Variants in TOM1L2 observed in about 807,000 individuals in gnomAD.
The protein encoded by TOM1L2 is target of myb1 like 2 membrane trafficking protein, also known as TOM1-like protein 2.
A neutral mutation model predicts 67.9 loss-of-function variants in TOM1L2; 31 were observed. That is an observed-to-expected ratio of 0.46 (90% CI 0.34 to 0.62). TOM1L2 has a LOEUF of 0.62. Among genes scored for constraint, TOM1L2 ranks in the 20% least tolerant of loss-of-function variants. The pLI is 0.01. For synonymous variants in TOM1L2, 256 were observed against 254.0 expected (o/e 1.01, Z -0.07); for missense variants, 606 against 663.5 (o/e 0.91, Z 0.95).
intron 12 of TOM1L2, chr17:17,859,631 G>C (rs1369212307): frequency 6.6e-6 from 1 of 152,224 alleles, no homozygotes; most frequent in Non-Finnish European, 1.5e-5. Flanking sequence ...CTGTAATCCC[G>C]GCACTTTGGG....
At chr17:17,941,871 T>A (rs529021335) in intron 1 of TOM1L2, among the ~76,000 whole-genome samples, 2 of 152,094 alleles carry the variant, frequency 1.3e-5, no homozygotes, top group South Asian at 4.1e-4. Context: ...GCACCTATAG[T>A]CCCTGCTACT....
intron 7 of TOM1L2, among the ~76,000 whole-genome samples, chr17:17,874,509 G>C (rs1432800829): frequency 2.0e-5 from 3 of 152,098 alleles, no homozygotes; most frequent in African/African-American, 7.2e-5. Flanking sequence ...GACCTCAAGT[G>C]ATCCACTTGC....
chr17:17,886,525 C>T (rs892334788), intron 4 of TOM1L2, among the ~76,000 whole-genome samples: 2 of 152,246 alleles, frequency 1.3e-5, no homozygotes, highest in African/African-American at 4.8e-5. Flanking sequence ...TCCTGTGACG[C>T]CAACCTCAAA....
At chr17:17,953,229 G>T (rs887212003) in intron 1 of TOM1L2, among the ~76,000 whole-genome samples, 3 of 152,126 alleles carry the variant, frequency 2.0e-5, no homozygotes, top group Admixed American at 6.5e-5. Flanking sequence ...GCAGTGAGCC[G>T]AAATCTTGTC....
At chr17:17,953,739 T>C (rs2041309041) in intron 1 of TOM1L2, among the ~76,000 whole-genome samples, 1 of 152,210 alleles carries the variant, frequency 6.6e-6, no homozygotes, top group African/African-American at 2.4e-5. Flanking sequence ...TGGGTTTCAA[T>C]CCTGTTGGTT....
intron 2 of TOM1L2, among the ~76,000 whole-genome samples, chr17:17,900,539 A>G (rs553857488): frequency 6.7e-6 from 1 of 150,178 alleles, no homozygotes; most frequent in African/African-American, 2.5e-5. Flanking sequence ...AAAAAAAAAA[A>G]GAGAGAAAGA....
Position 17,921,447 on chromosome 17 carries a change from T to C in TOM1L2, c.53-13916A>G, listed in dbSNP as rs190543165. 2.9e-3 allele frequency among the ~76,000 whole-genome samples: 440 copies of C among 152,328 alleles called. 3 individuals are homozygous for C. The highest frequency in any genetic ancestry group is 4.8e-3 in the Non-Finnish European group (325 of 68,036). On this transcript the variant is annotated intron_variant, in intron 1 of 14. Coordinates refer to ENST00000379504, the MANE Select transcript of TOM1L2 (RefSeq NM_001082968.2). ...CACTGGTATTTGATGTATGCCGTTC[T>C]TTGTACTTAATGGAATAACTTACGT...
At chr17:17,891,159 G>C (rs908364934) in intron 4 of TOM1L2, among the ~76,000 whole-genome samples, 1 of 152,258 alleles carries the variant, frequency 6.6e-6, no homozygotes, top group African/African-American at 2.4e-5. Context: ...GTTCTGCTCA[G>C]GTCCCCATGG....
At chr17:17,968,570 C>T (rs9635698) in intron 1 of TOM1L2, among the ~76,000 whole-genome samples, 74,022 of 151,230 alleles carry the variant, frequency 0.49, 19,108 homozygotes, top group East Asian at 0.86. Flanking sequence ...GAGGCTGAGA[C>T]AGGAGAATCG....
intron 1 of TOM1L2, among the ~76,000 whole-genome samples, chr17:17,914,627 G>A (rs2039551028): frequency 6.6e-6 from 1 of 152,224 alleles, no homozygotes; most frequent in Non-Finnish European, 1.5e-5. Flanking sequence ...TACTGCTTCT[G>A]TAACTGCCAG....
chr17:17,879,754 C>A lies in TOM1L2; in HGVS notation c.661-11G>T. The A allele has an allele frequency of 1.2e-6, 2 of 1,609,260 alleles. No individual in the cohort carries two copies. Among genetic ancestry groups the A allele is most frequent in the Non-Finnish European group, 1.7e-6 (2 of 1,175,558 alleles). Reference sequence around the variant, plus strand: ...CCGCAGCCTGGCAATCTGGTGGGGGCCACGAGGAAGGAAAGCAGGAAGGAA... The same window carrying A: ...CCGCAGCCTGGCAATCTGGTGGGGGACACGAGGAAGGAAAGCAGGAAGGAA... On this transcript the variant is annotated splice_polypyrimidine_tract_variant and intron_variant, in intron 6 of 14. Coordinates refer to ENST00000379504, the MANE Select transcript of TOM1L2 (RefSeq NM_001082968.2).
At chr17:17,860,857 C>T (rs1427833244) in intron 12 of TOM1L2, among the ~76,000 whole-genome samples, 1 of 152,252 alleles carries the variant, frequency 6.6e-6, no homozygotes, top group African/African-American at 2.4e-5. Context: ...ACCATTCCCT[C>T]CACTTCACTG....
chr17:17,879,970 C>T (rs932880374), intron 6 of TOM1L2, among the ~76,000 whole-genome samples: 1 of 152,190 alleles, frequency 6.6e-6, no homozygotes, highest in Non-Finnish European at 1.5e-5. Flanking sequence ...TGTTGTGCCT[C>T]TCTGACTGTG....
At chr17:17,898,925 G>C (rs1223556341) in intron 2 of TOM1L2, among the ~76,000 whole-genome samples, 3 of 152,202 alleles carry the variant, frequency 2.0e-5, no homozygotes, top group Non-Finnish European at 4.4e-5. Context: ...CAAACTCAAA[G>C]ACATGTGCAT....
intron 1 of TOM1L2, among the ~76,000 whole-genome samples, chr17:17,912,995 C>T (rs1447894697): frequency 6.6e-6 from 1 of 152,220 alleles, no homozygotes; most frequent in East Asian, 1.9e-4. Flanking sequence ...ACCGGCCAGG[C>T]CAACACAGCG....
chr17:17,943,142 CTA>C (rs2040805553), intron 1 of TOM1L2, among the ~76,000 whole-genome samples: 1 of 152,056 alleles, frequency 6.6e-6, no homozygotes, highest in African/African-American at 2.4e-5. Flanking sequence ...TTGAAATTTT[CTA>C]TGATAAGAAA....
chr17:17,857,419 C>T (rs1439045749), intron 12 of TOM1L2, among the ~76,000 whole-genome samples: 2 of 152,122 alleles, frequency 1.3e-5, no homozygotes, highest in African/African-American at 4.8e-5. Context: ...TAGAATTGTT[C>T]CCTCCCAAGC....
chr17:17,951,149 C>A (rs1467912745), intron 1 of TOM1L2, among the ~76,000 whole-genome samples: 6 of 152,148 alleles, frequency 3.9e-5, no homozygotes, highest in African/African-American at 1.4e-4. Flanking sequence ...CAGCCTCATC[C>A]ATAAATCCTA....
chr17:17,888,729 G>A (rs1042300327), intron 4 of TOM1L2, among the ~76,000 whole-genome samples: 1 of 152,256 alleles, frequency 6.6e-6, no homozygotes, highest in Admixed American at 6.5e-5. Context: ...GGGGGCTGGA[G>A]AGGCATGACC....
Sources: allele counts gnomAD v4.1 joint callset (sites outside exome capture counted in the v4.1 genomes callset), GRCh38; gene constraint gnomAD v4.1.1; transcripts MANE v1.5; gene names NCBI Gene and HGNC (gene_info 2026-07-23, HGNC 2026-07-21).